The following PHLPP1 variants were observed in gnomAD, a reference collection of about 807,000 sequenced individuals.
PHLPP1 encodes the protein PH domain leucine-rich repeat-containing protein phosphatase 1.
Under a neutral mutation model 117.2 loss-of-function variants are expected in PHLPP1, and 42 were observed. The ratio of observed to expected loss-of-function variants is 0.36; its 90% CI spans 0.28 to 0.46. PHLPP1 has a LOEUF of 0.46. PHLPP1 is among the 20% of genes least tolerant of loss of function. The probability of loss-of-function intolerance (pLI) is 1.00; values close to 1 mark genes in which losing one functional copy is unlikely to be tolerated. For synonymous variants in PHLPP1, 1,042 were observed against 970.7 expected (o/e 1.07, Z -1.37); for missense variants, 2,084 against 2,241.9 (o/e 0.93, Z 1.42).
At chr18:62,871,743 T>C (rs567115629) in intron 4 of PHLPP1, among the ~76,000 whole-genome samples, 330 of 149,958 alleles carry the variant, frequency 2.2e-3, no homozygotes, top group African/African-American at 7.9e-3. Flanking sequence ...CTCCCAGACT[T>C]AGGCGATTCT....
intron 1 of PHLPP1, among the ~76,000 whole-genome samples, chr18:62,813,891 G>A (rs1225166505): frequency 2.0e-5 from 3 of 151,788 alleles, no homozygotes; most frequent in Non-Finnish European, 2.9e-5. Flanking sequence ...TGATTTTGAT[G>A]TTGTATTATT....
intron 1 of PHLPP1, among the ~76,000 whole-genome samples, chr18:62,771,927 G>A (rs368344161): frequency 1.2e-4 from 18 of 152,304 alleles, no homozygotes; most frequent in African/African-American, 3.6e-4. Flanking sequence ...CACTCAAAAA[G>A]TTTCAGATTT....
intron 6 of PHLPP1, among the ~76,000 whole-genome samples, chr18:62,900,329 AAATAAATAAATAAATAAAT>A: frequency 6.7e-6 from 1 of 149,790 alleles, no homozygotes; most frequent in Non-Finnish European, 1.5e-5. Context: ...ATAAATAAAT[AAATAAATAAATAAATAAAT>A]AAAAAGTTTG....
chr18:62,743,619 A>T (rs975677018), intron 1 of PHLPP1, among the ~76,000 whole-genome samples: 1 of 152,186 alleles, frequency 6.6e-6, no homozygotes, highest in African/African-American at 2.4e-5. Flanking sequence ...GCAATTACCT[A>T]GTCAGTGATC....
At chr18:62,947,503 C>T (rs1404382385) in intron 12 of PHLPP1, among the ~76,000 whole-genome samples, 1 of 152,186 alleles carries the variant, frequency 6.6e-6, no homozygotes, top group Admixed American at 6.5e-5. Context: ...CTCAGCTGCC[C>T]ATTACTTGAC....
At chr18:62,818,910 A>T (rs543781742) in intron 1 of PHLPP1, among the ~76,000 whole-genome samples, 1 of 152,242 alleles carries the variant, frequency 6.6e-6, no homozygotes, top group Non-Finnish European at 1.5e-5. Context: ...GTGGTTTTCA[A>T]GCTACCAACA....
At chr18:62,766,104 A>ATATTATATATATATATATATATATAT (rs1289379653) in intron 1 of PHLPP1, among the ~76,000 whole-genome samples, 2 of 40,978 alleles carry the variant, frequency 4.9e-5, no homozygotes, top group South Asian at 8.8e-4. Flanking sequence ...TATATATATA[A>ATATTATATATATATATATATATATAT]AATATATATA....
At chr18:62,916,619 T>C (rs1209958125) in intron 9 of PHLPP1, among the ~76,000 whole-genome samples, 4 of 151,556 alleles carry the variant, frequency 2.6e-5, no homozygotes, top group Admixed American at 1.3e-4. Context: ...TGTGTGTGTG[T>C]GTGTGTGTGT....
intron 1 of PHLPP1, among the ~76,000 whole-genome samples, chr18:62,753,022 A>G (rs1476863335): frequency 1.6e-4 from 24 of 152,238 alleles, no homozygotes; most frequent in Admixed American, 1.6e-3. Flanking sequence ...TAGCTGTTTA[A>G]GGGTTATGAC....
chr18:62,725,636 AAG>A (rs35679507), intron 1 of PHLPP1, among the ~76,000 whole-genome samples: 42 of 151,032 alleles, frequency 2.8e-4, no homozygotes, highest in Non-Finnish European at 3.0e-4. Flanking sequence ...CTCTTAAAAA[AAG>A]AGAGAGAGAG....
chr18:62,966,498 T>G (rs1181748633), intron 14 of PHLPP1, among the ~76,000 whole-genome samples: 4 of 139,762 alleles, frequency 2.9e-5, no homozygotes, highest in Non-Finnish European at 4.6e-5. Flanking sequence ...TGAGACGGAG[T>G]CTTGTGCCGT....
At position 62,914,949 on chromosome 18, in the gene PHLPP1, A is replaced by T. The variant is rs760190183; in HGVS notation, c.2745A>T (p.Glu915Asp). The change falls in exon 9 of 17, where the codon GAA (glutamate) becomes GAT (aspartate). Residue 915 changes from glutamate (E) to aspartate (D), a missense_variant. Physicochemically the swap from Glu to Asp is conservative, Grantham distance 45. Around this residue, in one of 2 missense-constraint regions of PHLPP1, gnomAD observed 1,365 missense variants for 1,605.9 expected, o/e 0.85. Transcript: ENST00000262719. ...AAAATGTGCCTGAGTGGGTATGTGA[A>T]AGCCGAAAGCTAGAAGTTTTGGATA... The part of the protein sequence containing the change: ...RLENVPEWVC[E>D]SRKLEVLDIG... 6.2e-7 allele frequency: 1 copy of T among 1,613,860 alleles called. No individual in the cohort carries two copies. Among genetic ancestry groups the T allele is most frequent in the Admixed American group, 1.7e-5 (1 of 59,998 alleles).
At chr18:62,754,156 A>C (rs1457523899) in intron 1 of PHLPP1, among the ~76,000 whole-genome samples, 2 of 152,174 alleles carry the variant, frequency 1.3e-5, no homozygotes, top group African/African-American at 4.8e-5. Flanking sequence ...CTGGCCTCTC[A>C]GTTGTGCCTG....
intron 10 of PHLPP1, among the ~76,000 whole-genome samples, chr18:62,930,607 A>C (rs570075830): frequency 6.6e-6 from 1 of 152,234 alleles, no homozygotes; most frequent in Non-Finnish European, 1.5e-5. Flanking sequence ...ATACAGTAAA[A>C]GTAGGGGATT....
chr18:62,893,727 T>C (rs1474004943), intron 4 of PHLPP1, among the ~76,000 whole-genome samples: 1 of 152,182 alleles, frequency 6.6e-6, no homozygotes, highest in African/African-American at 2.4e-5. Context: ...GTCACTAATA[T>C]GATTCTTATC....
At chr18:62,948,138 A>G (rs1361014758) in intron 12 of PHLPP1, among the ~76,000 whole-genome samples, 1 of 152,108 alleles carries the variant, frequency 6.6e-6, no homozygotes, top group Non-Finnish European at 1.5e-5. Flanking sequence ...CAGCCTCACC[A>G]ATATGGTGAA....
intron 2 of PHLPP1, among the ~76,000 whole-genome samples, chr18:62,831,888 G>A (rs544865731): frequency 2.0e-3 from 297 of 152,290 alleles, no homozygotes; most frequent in African/African-American, 6.5e-3. Context: ...TGCAAGATGC[G>A]TTTAGATTGA....
At chr18:62,947,266 T>C (rs533348259) in intron 12 of PHLPP1, among the ~76,000 whole-genome samples, 1 of 152,304 alleles carries the variant, frequency 6.6e-6, no homozygotes, top group African/African-American at 2.4e-5. Context: ...AATGAAATAA[T>C]ACATGTAAAG....
At chr18:62,942,119 G>C (rs1248605541) in intron 11 of PHLPP1, among the ~76,000 whole-genome samples, 1 of 152,192 alleles carries the variant, frequency 6.6e-6, no homozygotes, top group Admixed American at 6.5e-5. Flanking sequence ...TGTGTCCAAA[G>C]ACCTAATCAC....
Sources: gnomAD v4.1 joint callset for allele counts (sites outside exome capture counted in the v4.1 genomes callset) on GRCh38, gnomAD v4.1.1 for gene constraint, gnomAD v4.1.1 regional missense constraint, MANE v1.5 for transcripts, NCBI Gene and HGNC (gene_info 2026-07-23, HGNC 2026-07-21) for gene names.